Variants in PHKB observed in about 807,000 individuals in gnomAD.
PHKB encodes the protein phosphorylase kinase regulatory subunit beta, also known as phosphorylase b kinase regulatory subunit beta.
PHKB carries 122 observed loss-of-function variants against 152.1 expected under a neutral mutation model. That is an observed-to-expected ratio of 0.80 (90% CI 0.69 to 0.93). PHKB has a LOEUF of 0.93. PHKB is among the 40% of genes least tolerant of loss of function. PHKB has a pLI of 0.00. For synonymous variants in PHKB, 436 were observed against 464.9 expected (o/e 0.94, Z 0.80); for missense variants, 1,304 against 1,328.4 (o/e 0.98, Z 0.29).
At chr16:47,557,293 T>C (rs1026565171) in intron 7 of PHKB, among the ~76,000 whole-genome samples, 2 of 152,192 alleles carry the variant, frequency 1.3e-5, no homozygotes, top group Non-Finnish European at 2.9e-5. Flanking sequence ...GAAGAAAACC[T>C]AGGCATTACC....
intron 1 of PHKB, among the ~76,000 whole-genome samples, chr16:47,482,425 CCTG>C (rs913818869): frequency 3.9e-5 from 6 of 152,058 alleles, no homozygotes; most frequent in Non-Finnish European, 8.8e-5. Context: ...TGTGTTTTTT[CCTG>C]CTAACATTCA....
intron 14 of PHKB, among the ~76,000 whole-genome samples, chr16:47,623,522 A>C (rs1972654247): frequency 7.0e-6 from 1 of 143,782 alleles, no homozygotes; most frequent in South Asian, 2.2e-4. Flanking sequence ...TAATGGAGCT[A>C]ATTTTTTAAT....
chr16:47,492,015 A>G (rs1250037109), intron 1 of PHKB, among the ~76,000 whole-genome samples: 1 of 152,220 alleles, frequency 6.6e-6, no homozygotes, highest in East Asian at 1.9e-4. Context: ...AAACTTTACT[A>G]AAGGCTCAGA....
In PHKB at chr16:47,537,902, C is replaced by CTCTCTCTT. The variant is rs71380327; in HGVS notation, c.595-9530_595-9529insCTCTCTTT. On this transcript the variant is annotated intron_variant, in intron 6 of 30. Transcript: ENST00000323584. ...TCTCTCTCTCTCTCTCTCTCTCTCT[C>CTCTCTCTT]TTTTTAAGTTGAGGCAAGGTCTCTC... 3.9e-3 allele frequency among the ~76,000 whole-genome samples: 575 copies of CTCTCTCTT among 149,270 alleles called. 3 individuals are homozygous for CTCTCTCTT. Among genetic ancestry groups the CTCTCTCTT allele is most frequent in the African/African-American group, 0.013 (525 of 39,600 alleles).
chr16:47,465,761 TCTTA>T (rs1417707333), intron 1 of PHKB, among the ~76,000 whole-genome samples: 1 of 152,356 alleles, frequency 6.6e-6, no homozygotes, highest in Non-Finnish European at 1.5e-5. Context: ...ATTTATAATT[TCTTA>T]CTTATTTAGA....
chr16:47,663,759 A>G (rs369710597), intron 24 of PHKB, 25 bp downstream of exon 24: 2 of 1,336,676 alleles, frequency 1.5e-6, no homozygotes, highest in African/African-American at 2.9e-5. Flanking sequence ...CCTTGTTGTT[A>G]TGTTTTATTT....
At chr16:47,645,042 G>C (rs1421758089) in intron 16 of PHKB, among the ~76,000 whole-genome samples, 1 of 152,166 alleles carries the variant, frequency 6.6e-6, no homozygotes, top group Non-Finnish European at 1.5e-5. Flanking sequence ...AAATAAAAAA[G>C]AATGCCAAAT....
At chr16:47,498,946 G>A (rs1043879620) in intron 2 of PHKB, among the ~76,000 whole-genome samples, 2 of 152,096 alleles carry the variant, frequency 1.3e-5, no homozygotes, top group African/African-American at 4.8e-5. Context: ...TTAATGTAAT[G>A]CATTTTAGGA....
At chr16:47,477,220 C>A (rs575268469) in intron 1 of PHKB, among the ~76,000 whole-genome samples, 1 of 152,168 alleles carries the variant, frequency 6.6e-6, no homozygotes, top group South Asian at 2.1e-4. Flanking sequence ...TCTTTTGGCT[C>A]TGATGTCACT....
At chr16:47,686,799 A>G (rs1242520806) in intron 26 of PHKB, among the ~76,000 whole-genome samples, 4 of 152,200 alleles carry the variant, frequency 2.6e-5, no homozygotes. Context: ...TTTAACTTTT[A>G]CCTGTGAGTA....
At chr16:47,645,681 T>C (rs1273291256) in intron 16 of PHKB, among the ~76,000 whole-genome samples, 2 of 151,728 alleles carry the variant, frequency 1.3e-5, no homozygotes, top group African/African-American at 4.9e-5. Context: ...GGCTTAGGAT[T>C]GACTTGGCGA....
intron 14 of PHKB, among the ~76,000 whole-genome samples, chr16:47,614,943 TTGTC>T (rs1442331438): frequency 6.6e-6 from 1 of 152,216 alleles, no homozygotes; most frequent in African/African-American, 2.4e-5. Flanking sequence ...TAGTTTTCCT[TTGTC>T]TGAGAATATC....
At chr16:47,593,677 C>T in intron 11 of PHKB, 120 bp downstream of exon 11, 1 of 710,156 alleles carries the variant, frequency 1.4e-6, no homozygotes, top group Non-Finnish European at 2.6e-6. Context: ...GAAAAATAGA[C>T]TGCGCTTCAG....
At chr16:47,605,222 T>C (rs908272525) in intron 13 of PHKB, among the ~76,000 whole-genome samples, 3 of 152,210 alleles carry the variant, frequency 2.0e-5, no homozygotes, top group Admixed American at 2.0e-4. Flanking sequence ...TACTAGGTGC[T>C]GGTGGCTCTG....
At chr16:47,559,829 G>A (rs1407616618) in intron 7 of PHKB, among the ~76,000 whole-genome samples, 3 of 152,196 alleles carry the variant, frequency 2.0e-5, no homozygotes, top group East Asian at 1.9e-4. Context: ...TCTTGATGGG[G>A]AGGAGTGTCA....
intron 14 of PHKB, among the ~76,000 whole-genome samples, chr16:47,638,419 G>A (rs997923696): frequency 6.6e-6 from 1 of 152,188 alleles, no homozygotes; most frequent in African/African-American, 2.4e-5. Context: ...GTGAAATACT[G>A]TGCTTAGCAC....
chr16:47,643,201 T>C (rs1973056579), intron 16 of PHKB, among the ~76,000 whole-genome samples: 1 of 152,204 alleles, frequency 6.6e-6, no homozygotes, highest in African/African-American at 2.4e-5. Flanking sequence ...ATGACTTGAA[T>C]GTGGTATTCA....
chr16:47,474,352 A>C (rs1159913355), intron 1 of PHKB, among the ~76,000 whole-genome samples: 1 of 152,148 alleles, frequency 6.6e-6, no homozygotes, highest in Non-Finnish European at 1.5e-5. Context: ...TGTTATTTGG[A>C]TTATAGATCA....
At chr16:47,497,376 T>C (rs746569866) in intron 1 of PHKB, 23 bp from the exon 2 acceptor site, 7 of 1,407,754 alleles carry the variant, frequency 5.0e-6, no homozygotes, top group Middle Eastern at 1.8e-4. Flanking sequence ...CTGAATTTGA[T>C]GGGTTTTTAT....
Sources: gnomAD v4.1 joint callset for allele counts (sites outside exome capture counted in the v4.1 genomes callset) on GRCh38, gnomAD v4.1.1 for gene constraint, MANE v1.5 for transcripts, NCBI Gene and HGNC (gene_info 2026-07-23, HGNC 2026-07-21) for gene names.